CDH6: variants seen among roughly 807,000 people sequenced by gnomAD.
The protein encoded by CDH6 is cadherin 6.
CDH6 carries 31 observed loss-of-function variants against 78.0 expected under a neutral mutation model. The ratio of observed to expected loss-of-function variants is 0.40; its 90% CI spans 0.30 to 0.54. The LOEUF (loss-of-function observed/expected upper bound fraction) is 0.54, where lower values mean the gene tolerates loss of function less well. CDH6 is among the 20% of genes least tolerant of loss of function. CDH6 has a pLI of 0.56. For missense variants in CDH6, 724 were observed against 975.9 expected (o/e 0.74, Z 3.44); for synonymous variants, 376 against 368.8 (o/e 1.02, Z -0.23).
chr5:31,269,790 G>A lies in CDH6; in HGVS notation c.228+2089G>A, dbSNP rs115177796. On this transcript the variant is annotated intron_variant, in intron 2 of 11. Coordinates refer to ENST00000265071, the MANE Select transcript of CDH6 (RefSeq NM_004932.4). Reference sequence around the variant, plus strand: ...TTCGTTGGATTTGGATATTTTATGGGCAGCTAGATAAATTTCCCTCCCTCT... The same window carrying A: ...TTCGTTGGATTTGGATATTTTATGGACAGCTAGATAAATTTCCCTCCCTCT... Among the ~76,000 whole-genome samples, 935 of 152,244 alleles carry A rather than the reference G, an allele frequency of 6.1e-3. 7 individuals are homozygous for A. Among genetic ancestry groups the A allele is most frequent in the African/African-American group, 0.022 (896 of 41,554 alleles).
At chr5:31,258,643 A>C (rs939075361) in intron 1 of CDH6, among the ~76,000 whole-genome samples, 1 of 152,188 alleles carries the variant, frequency 6.6e-6, no homozygotes, top group Non-Finnish European at 1.5e-5. Flanking sequence ...TAATTTAAAA[A>C]AAAAAGAAAA....
intron 1 of CDH6, among the ~76,000 whole-genome samples, chr5:31,200,332 G>A (rs1029199329): frequency 6.6e-6 from 1 of 151,786 alleles, no homozygotes; most frequent in Non-Finnish European, 1.5e-5. Flanking sequence ...AGAGGGGAGG[G>A]ACACCTCAAC....
chr5:31,211,252 G>T (rs181651670), intron 1 of CDH6, among the ~76,000 whole-genome samples: 291 of 152,104 alleles, frequency 1.9e-3, no homozygotes, highest in Non-Finnish European at 3.4e-3. Context: ...AGATTCAAAG[G>T]ACATCAGGCT....
At chr5:31,208,360 G>T (rs191366419) in intron 1 of CDH6, among the ~76,000 whole-genome samples, 1 of 152,138 alleles carries the variant, frequency 6.6e-6, no homozygotes, top group Non-Finnish European at 1.5e-5. Flanking sequence ...AAGGCCACGA[G>T]GGGTTTTAGA....
At chr5:31,307,194 C>T (rs1738015074) in intron 7 of CDH6, among the ~76,000 whole-genome samples, 1 of 152,086 alleles carries the variant, frequency 6.6e-6, no homozygotes, top group Non-Finnish European at 1.5e-5. Flanking sequence ...GATGAGAAGC[C>T]ACTGGAAACC....
chr5:31,322,719 C>T lies in CDH6; in HGVS notation c.1883-99C>T. On this transcript the variant is annotated intron_variant, in intron 11 of 11. Coordinates refer to ENST00000265071, the MANE Select transcript of CDH6 (RefSeq NM_004932.4). The stretch of plus-strand genomic sequence containing the variant: ...AGTTGAGTCTGCATTTTCTAGAGAA[C>T]TTTTAAAACTTCACATTTGAGCACA... The T allele has an allele frequency of 2.1e-6, 3 of 1,411,906 alleles. No homozygotes were observed. The South Asian group carries it at 4.3e-5, about 20-fold the overall frequency. The allele number at this position is 1,411,906 out of a possible 1,614,324, so 87.5% of individuals were successfully genotyped here. A position where few individuals can be genotyped will look rare whatever the true frequency, so the allele number is the denominator to read the frequency against.
chr5:31,216,683 C>CAAAAAAA (rs70953498), intron 1 of CDH6, among the ~76,000 whole-genome samples: 1 of 132,614 alleles, frequency 7.5e-6, no homozygotes, highest in African/African-American at 2.8e-5. Flanking sequence ...GCCCTGCCAC[C>CAAAAAAA]AAAAAAAAAA....
At chr5:31,302,822 AAGAAAG>A (rs1737830357) in intron 6 of CDH6, among the ~76,000 whole-genome samples, 1 of 147,330 alleles carries the variant, frequency 6.8e-6, no homozygotes, top group East Asian at 2.0e-4. Flanking sequence ...GAAAGAAAGA[AAGAAAG>A]AAAGAAAGAA....
Position 31,322,861 on chromosome 5 carries a change from A to G in CDH6, c.1926A>G (p.Lys642=), listed in dbSNP as rs770777633. ...LFAALRRQRK[K]EPLIISKEDI... Reference sequence around the variant, plus strand: ...CAGCTCTGAGGCGGCAGCGAAAAAAAGAGCCTTTGATCATTTCCAAAGAGG... The same window carrying G: ...CAGCTCTGAGGCGGCAGCGAAAAAAGGAGCCTTTGATCATTTCCAAAGAGG... The change falls in exon 12 of 12, where the codon AAA becomes AAG. Residue 642 remains lysine, a synonymous_variant. Transcript: ENST00000265071. 8.7e-5 allele frequency: 141 copies of G among 1,613,818 alleles called. 1 individual carries two copies. The East Asian group carries it at 3.0e-3, about 35-fold the overall frequency.
intron 1 of CDH6, among the ~76,000 whole-genome samples, chr5:31,235,014 C>T (rs2111861754): frequency 6.6e-6 from 1 of 152,148 alleles, no homozygotes; most frequent in Non-Finnish European, 1.5e-5. Context: ...AGGGAGTTTG[C>T]CATACTGTAC....
rs1229235329 is a variant in CDH6 at position 31,313,335 on chromosome 5, A to G, written c.1271A>G (p.His424Arg). Reference protein sequence around the residue: ...RNPVKYSVDRHTDMDRIFNID... With the variant: ...RNPVKYSVDRRTDMDRIFNID... Reference sequence around the variant, plus strand: ...ATTTTCAGGTACTCTGTAGATCGACACACAGATATGGACAGAATATTCAAC... The same window carrying G: ...ATTTTCAGGTACTCTGTAGATCGACGCACAGATATGGACAGAATATTCAAC... Residue 424 changes from histidine to arginine, a missense_variant, in exon 8 of 12, where the codon CAC becomes CGC. His to Arg is a conservative substitution (Grantham distance 29). This residue lies in a region of CDH6 where 446 missense variants were observed against 684.5 expected (regional missense o/e 0.65). Coordinates refer to ENST00000265071, the MANE Select transcript of CDH6 (RefSeq NM_004932.4). 1.2e-6 allele frequency: 2 copies of G among 1,613,284 alleles called. No homozygotes were observed. The highest frequency in any genetic ancestry group is 1.1e-5 in the South Asian group (1 of 91,024).
chr5:31,262,330 C>T (rs990050495), intron 1 of CDH6, among the ~76,000 whole-genome samples: 10 of 152,210 alleles, frequency 6.6e-5, no homozygotes. Context: ...TCTCAATTAC[C>T]TTCTAGTCAT....
At chr5:31,291,785 T>C (rs1438442316) in intron 2 of CDH6, among the ~76,000 whole-genome samples, 2 of 152,190 alleles carry the variant, frequency 1.3e-5, no homozygotes, top group Non-Finnish European at 2.9e-5. Context: ...GTCATGATGG[T>C]TTCAGCGTTT....
chr5:31,208,294 G>A (rs1259385805), intron 1 of CDH6, among the ~76,000 whole-genome samples: 2 of 152,200 alleles, frequency 1.3e-5, no homozygotes, highest in Non-Finnish European at 2.9e-5. Flanking sequence ...CCTGGGCTTA[G>A]ATTTGTGGCG....
intron 11 of CDH6, among the ~76,000 whole-genome samples, chr5:31,320,672 C>G (rs62350376): frequency 3.1e-3 from 465 of 152,226 alleles, no homozygotes; most frequent in Middle Eastern, 0.02. Context: ...AACCTCCCTC[C>G]GATAACATAT....
intron 11 of CDH6, chr5:31,318,475 A>G (rs939479182): frequency 8.2e-6 from 2 of 242,646 alleles, no homozygotes; most frequent in Admixed American, 4.9e-5. Context: ...TGCCACATGC[A>G]TAAGGTCTAT....
intron 1 of CDH6, among the ~76,000 whole-genome samples, chr5:31,200,129 T>C (rs940937304): frequency 2.0e-5 from 3 of 152,190 alleles, no homozygotes; most frequent in Non-Finnish European, 4.4e-5. Context: ...TTATTCATTT[T>C]TGAAAAATCA....
intron 2 of CDH6, among the ~76,000 whole-genome samples, chr5:31,290,717 A>G (rs1367187147): frequency 1.3e-5 from 2 of 152,028 alleles, no homozygotes; most frequent in East Asian, 3.9e-4. Flanking sequence ...AGAGGAGGAG[A>G]GTGGGGAGAA....
At chr5:31,284,086 A>G (rs1742944564) in intron 2 of CDH6, among the ~76,000 whole-genome samples, 1 of 152,156 alleles carries the variant, frequency 6.6e-6, no homozygotes, top group African/African-American at 2.4e-5. Context: ...AAGTGCTGAG[A>G]TTACAGGAAT....
Sources: allele counts gnomAD v4.1 joint callset (sites outside exome capture counted in the v4.1 genomes callset), GRCh38; gene constraint gnomAD v4.1.1; regional missense constraint gnomAD v4.1.1; transcripts MANE v1.5; gene names NCBI Gene and HGNC (gene_info 2026-07-23, HGNC 2026-07-21).